The following EPHB1 variants were observed in gnomAD, a reference collection of about 807,000 sequenced individuals.
The protein encoded by EPHB1 is EPH receptor B1, also known as ephrin type-B receptor 1.
In EPHB1, 30 loss-of-function variants were observed where a neutral mutation model predicts 94.4. The ratio of observed to expected loss-of-function variants is 0.32; its 90% confidence interval spans 0.24 to 0.43. The LOEUF (loss-of-function observed/expected upper bound fraction) is 0.43. Among genes scored for constraint, EPHB1 ranks in the 20% least tolerant of loss-of-function variants. EPHB1 has a pLI of 1.00. For synonymous variants in EPHB1, 522 were observed against 489.1 expected (o/e 1.07, Z -0.89); for missense variants, 1,055 against 1,308.3 (o/e 0.81, Z 2.99).
At position 135,047,094 on chromosome 3, in the gene EPHB1, A is replaced by G. The variant is rs1367031248; in HGVS notation, c.806-59354A>G. On this transcript the variant is annotated intron_variant, in intron 3 of 15. Transcript: ENST00000398015. Reference sequence around the variant, plus strand: ...AGGCTTATGTTTTCTTCTCTCCTTGATGAAAGCCTGTTGACCATTAGCCCG... The same window carrying G: ...AGGCTTATGTTTTCTTCTCTCCTTGGTGAAAGCCTGTTGACCATTAGCCCG... Among the ~76,000 whole-genome samples, 9 of 152,272 alleles carry G rather than the reference A, an allele frequency of 5.9e-5. No individual in the cohort carries two copies. In the East Asian group the frequency reaches 9.7e-4, roughly 16 times the overall value.
intron 4 of EPHB1, among the ~76,000 whole-genome samples, chr3:135,113,814 C>T (rs1247762576): frequency 1.3e-5 from 2 of 152,248 alleles, no homozygotes; most frequent in Non-Finnish European, 2.9e-5. Context: ...CCCAAATCTC[C>T]TGACCCATGC....
chr3:134,875,214 G>T (rs998077152), intron 1 of EPHB1, among the ~76,000 whole-genome samples: 2 of 152,230 alleles, frequency 1.3e-5, no homozygotes, highest in African/African-American at 2.4e-5. Context: ...GCATGTGGCT[G>T]TGCTGGTTGG....
rs572066382 is a variant in EPHB1, at chr3:135,259,865, CTG to C, written c.*749_*750del. 2.6e-4 allele frequency: 58 copies of C among 225,622 alleles called. No homozygotes were observed. The highest frequency in any genetic ancestry group is 1.1e-3 in the African/African-American group (51 of 45,000). 14.0% of individuals were successfully genotyped at this position (225,622 alleles called of 1,614,324 possible). ...TGTGCAAAAGCACACATATGTATGT[CTG>C]TGTTATAAAATGACTGTGCTTGTTC... On this transcript the variant is annotated 3_prime_UTR_variant, in exon 16 of 16. Transcript: ENST00000398015.
intron 1 of EPHB1, among the ~76,000 whole-genome samples, chr3:134,859,787 T>A (rs958779015): frequency 6.6e-6 from 1 of 152,242 alleles, no homozygotes; most frequent in Non-Finnish European, 1.5e-5. Context: ...AATTCATTTT[T>A]TGACTCCTCT....
At chr3:135,170,699 A>T (rs1941782366) in intron 9 of EPHB1, among the ~76,000 whole-genome samples, 2 of 152,162 alleles carry the variant, frequency 1.3e-5, no homozygotes. Context: ...TCTTGAAAAA[A>T]GTTCCAGTTG....
chr3:135,082,840 G>T (rs937967708), intron 3 of EPHB1, among the ~76,000 whole-genome samples: 2 of 152,224 alleles, frequency 1.3e-5, no homozygotes, highest in Admixed American at 6.5e-5. Flanking sequence ...GTACTGGCAG[G>T]CTGATTCATA....
At chr3:135,064,537 T>C (rs114648384) in intron 3 of EPHB1, among the ~76,000 whole-genome samples, 3,125 of 151,386 alleles carry the variant, frequency 0.021, 101 homozygotes, top group African/African-American at 0.072. Context: ...GTGATGTCAG[T>C]TGTAACATCT....
chr3:135,113,610 C>T (rs1939555878), intron 4 of EPHB1, among the ~76,000 whole-genome samples: 1 of 152,152 alleles, frequency 6.6e-6, no homozygotes, highest in Admixed American at 6.5e-5. Context: ...CACTCCATTG[C>T]CAACAGCAGT....
intron 3 of EPHB1, among the ~76,000 whole-genome samples, chr3:135,022,946 T>A (rs1032002528): frequency 2.6e-5 from 4 of 152,194 alleles, no homozygotes; most frequent in African/African-American, 9.7e-5. Flanking sequence ...TGTTTGTTGC[T>A]CCACATTTAG....
chr3:135,088,436 AAC>A (rs1348554146), intron 3 of EPHB1, among the ~76,000 whole-genome samples: 1 of 152,268 alleles, frequency 6.6e-6, no homozygotes, highest in Non-Finnish European at 1.5e-5. Flanking sequence ...GTCTGTAAGG[AAC>A]ATAAAAATGA....
chr3:135,258,953 G>C (rs941390206), intron 15 of EPHB1, 59 bp from the exon 16 acceptor site: 1 of 1,338,810 alleles, frequency 7.5e-7, no homozygotes, highest in Non-Finnish European at 1.0e-6. Flanking sequence ...GATGAGTTTT[G>C]ATCTGCGAAA....
In EPHB1 at chr3:134,882,760, TCC is replaced by T. The variant is rs1560280436; in HGVS notation, c.59-43055_59-43054del. On this transcript the variant is annotated intron_variant, in intron 1 of 15. Transcript: ENST00000398015. ...TTTCCTTCTTTCTTCCTTTCTTCCT[TCC>T]TTCCTTTCTTTCTTTCTTTCTTTCT... is the stretch of plus-strand genomic sequence containing the variant. Among the ~76,000 whole-genome samples, 241 of 40,176 alleles carry T rather than the reference TCC, an allele frequency of 6.0e-3. 7 individuals carry two copies. The highest frequency in any genetic ancestry group is 0.023 in the African/African-American group (210 of 9,244). 26.4% of individuals were successfully genotyped at this position (40,176 alleles called of 152,430 possible). A position where few individuals can be genotyped will look rare whatever the true frequency, so the allele number is the denominator to read the frequency against.
intron 12 of EPHB1, among the ~76,000 whole-genome samples, chr3:135,210,749 C>A (rs529993252): frequency 6.6e-6 from 1 of 152,196 alleles, no homozygotes. Context: ...GTCCAATGCT[C>A]AGGACACTGT....
At chr3:135,004,121 G>A (rs554734980) in intron 3 of EPHB1, among the ~76,000 whole-genome samples, 34 of 151,936 alleles carry the variant, frequency 2.2e-4, no homozygotes, top group Admixed American at 1.3e-3. Flanking sequence ...CATGTTTAGC[G>A]CTTCCTTCAG....
intron 12 of EPHB1, among the ~76,000 whole-genome samples, chr3:135,240,190 T>C (rs9868193): frequency 0.96 from 146,889 of 152,258 alleles, 71,057 homozygotes; most frequent in East Asian, 1. Context: ...TTTTAAGTTT[T>C]TGTTTTCTTG....
intron 3 of EPHB1, among the ~76,000 whole-genome samples, chr3:135,054,571 C>T (rs528939060): frequency 1.3e-5 from 2 of 152,280 alleles, no homozygotes; most frequent in East Asian, 1.9e-4. Flanking sequence ...CAGCTAACCC[C>T]CCCATTATTG....
chr3:134,901,405 G>A (rs2038201560), intron 1 of EPHB1, among the ~76,000 whole-genome samples: 1 of 152,112 alleles, frequency 6.6e-6, no homozygotes, highest in Non-Finnish European at 1.5e-5. Context: ...CAGGCTACAT[G>A]TCCTATAGCA....
intron 2 of EPHB1, among the ~76,000 whole-genome samples, chr3:134,946,895 T>C (rs2039227130): frequency 6.6e-6 from 1 of 152,128 alleles, no homozygotes; most frequent in Non-Finnish European, 1.5e-5. Context: ...CAGATAAACC[T>C]CTTTTCTTTA....
At chr3:135,258,769 C>A (rs375349513) in intron 15 of EPHB1, among the ~76,000 whole-genome samples, 2 of 152,198 alleles carry the variant, frequency 1.3e-5, no homozygotes, top group Non-Finnish European at 2.9e-5. Context: ...ATAAGGAACA[C>A]ACCCCTGGAA....
Sources: allele counts gnomAD v4.1 joint callset (sites outside exome capture counted in the v4.1 genomes callset), GRCh38; gene constraint gnomAD v4.1.1; transcripts MANE v1.5; gene names NCBI Gene and HGNC (gene_info 2026-07-23, HGNC 2026-07-21).